The following DMRT1 variants were observed in gnomAD, a reference collection of about 807,000 sequenced individuals.
DMRT1 encodes the protein doublesex and mab-3 related transcription factor 1.
DMRT1 carries 7 observed loss-of-function variants against 32.3 expected under a neutral mutation model. The ratio of observed to expected loss-of-function variants is 0.22; its 90% CI spans 0.12 to 0.41. DMRT1 has a LOEUF of 0.41. Ranked by LOEUF, DMRT1 falls within the 10% of genes least tolerant of loss-of-function variation. DMRT1 has a pLI of 1.00. For missense variants in DMRT1, 625 were observed against 500.5 expected (o/e 1.25, Z -2.37); for synonymous variants, 278 against 206.1 (o/e 1.35, Z -2.99).
At chr9:937,607 G>A (rs528202722) in intron 4 of DMRT1, among the ~76,000 whole-genome samples, 7 of 152,260 alleles carry the variant, frequency 4.6e-5, no homozygotes, top group African/African-American at 7.2e-5. Flanking sequence ...ATGATGTTGA[G>A]CATTTTTTTC....
At chr9:874,980 T>G (rs1816434814) in intron 2 of DMRT1, among the ~76,000 whole-genome samples, 1 of 151,568 alleles carries the variant, frequency 6.6e-6, no homozygotes, top group African/African-American at 2.4e-5. Context: ...GCAAATTTTT[T>G]GTATTTTTTT....
At chr9:948,580 G>A (rs1282095893) in intron 4 of DMRT1, among the ~76,000 whole-genome samples, 1 of 151,426 alleles carries the variant, frequency 6.6e-6, no homozygotes, top group Non-Finnish European at 1.5e-5. Context: ...GCGCTCTGCT[G>A]TGTTGGGGCC....
At chr9:959,759 C>G (rs1021141200) in intron 4 of DMRT1, among the ~76,000 whole-genome samples, 1 of 152,062 alleles carries the variant, frequency 6.6e-6, no homozygotes, top group African/African-American at 2.4e-5. Flanking sequence ...AGCTCCTGAC[C>G]TCTGGTGATC....
At chr9:875,106 G>A (rs1006535254) in intron 2 of DMRT1, among the ~76,000 whole-genome samples, 8 of 152,016 alleles carry the variant, frequency 5.3e-5, no homozygotes, top group Admixed American at 2.0e-4. Context: ...CACCGCGCCC[G>A]GCCAACACTT....
At chr9:857,272 A>T (rs1815437648) in intron 2 of DMRT1, among the ~76,000 whole-genome samples, 2 of 152,132 alleles carry the variant, frequency 1.3e-5, no homozygotes, top group Admixed American at 6.6e-5. Context: ...GCTCCACTGC[A>T]CTCCAGCCTG....
chr9:858,466 C>G (rs906046194), intron 2 of DMRT1, among the ~76,000 whole-genome samples: 3 of 152,170 alleles, frequency 2.0e-5, no homozygotes, highest in Admixed American at 2.0e-4. Flanking sequence ...GATCACCCCT[C>G]AGGTACCTAC....
At chr9:863,866 G>A (rs1815839244) in intron 2 of DMRT1, among the ~76,000 whole-genome samples, 1 of 152,128 alleles carries the variant, frequency 6.6e-6, no homozygotes, top group Non-Finnish European at 1.5e-5. Flanking sequence ...AACCATCTAT[G>A]TCCTTTGCCC....
rs79321486 is a variant in DMRT1 at position 847,937 on chromosome 9, T to C, written c.538+794T>C. On this transcript the variant is annotated intron_variant, in intron 2 of 4. Transcript: ENST00000382276. ...AGCCATATACAGCTAAGGGCTATCA[T>C]ACTGGATAATGCATTGCTGTCTCTT... Among the ~76,000 whole-genome samples the C allele has an allele frequency of 8.9e-3, 1,361 of 152,352 alleles. 20 individuals are homozygous for C. Among genetic ancestry groups the C allele is most frequent in the African/African-American group, 0.031 (1,301 of 41,582 alleles).
At chr9:917,785 T>C (rs1818230716) in intron 4 of DMRT1, among the ~76,000 whole-genome samples, 1 of 152,232 alleles carries the variant, frequency 6.6e-6, no homozygotes, top group Non-Finnish European at 1.5e-5. Context: ...CCAGAAAGTC[T>C]AAAATAGCTG....
chr9:939,987 A>T (rs1819009649), intron 4 of DMRT1, among the ~76,000 whole-genome samples: 1 of 152,178 alleles, frequency 6.6e-6, no homozygotes, highest in South Asian at 2.1e-4. Context: ...CCATCAGTGA[A>T]ACGCAAATCA....
At chr9:919,140 G>A (rs1239929008) in intron 4 of DMRT1, among the ~76,000 whole-genome samples, 1 of 152,138 alleles carries the variant, frequency 6.6e-6, no homozygotes, top group Non-Finnish European at 1.5e-5. Context: ...GATCCGTCAA[G>A]TCTAAGTTCC....
At chr9:939,722 T>A (rs1331013943) in intron 4 of DMRT1, among the ~76,000 whole-genome samples, 1 of 152,208 alleles carries the variant, frequency 6.6e-6, no homozygotes, top group Non-Finnish European at 1.5e-5. Flanking sequence ...AGTCAAATAA[T>A]GTAGGAGTGT....
At chr9:955,580 C>A (rs1819574637) in intron 4 of DMRT1, among the ~76,000 whole-genome samples, 1 of 152,120 alleles carries the variant, frequency 6.6e-6, no homozygotes, top group East Asian at 1.9e-4. Flanking sequence ...ATAGTGCATG[C>A]CTGTAGTCTC....
chr9:963,660 A>C (rs1043023812), intron 4 of DMRT1, among the ~76,000 whole-genome samples: 5 of 152,224 alleles, frequency 3.3e-5, no homozygotes, highest in Non-Finnish European at 5.9e-5. Flanking sequence ...GAAAGTACAA[A>C]CTGAACCTGC....
intron 2 of DMRT1, among the ~76,000 whole-genome samples, chr9:859,905 C>T (rs1012216295): frequency 6.6e-6 from 1 of 152,206 alleles, no homozygotes; most frequent in African/African-American, 2.4e-5. Flanking sequence ...CATTGCCATT[C>T]AGCATATAGT....
intron 2 of DMRT1, among the ~76,000 whole-genome samples, chr9:875,675 C>T (rs574102128): frequency 1.1e-4 from 16 of 152,264 alleles, no homozygotes; most frequent in African/African-American, 3.9e-4. Context: ...GACATTTTAG[C>T]TAACAAGCCC....
Position 894,383 on chromosome 9 carries a change from T to C in DMRT1, c.822+188T>C, listed in dbSNP as rs116389700. ...ACACATGTAGGCACAATATGCAAAA[T>C]GTGTAAGGAATTTTTTACTCTGTCA... On this transcript the variant is annotated intron_variant, in intron 3 of 4. Coordinates refer to ENST00000382276, the MANE Select transcript of DMRT1 (RefSeq NM_021951.3). 2.1e-3 allele frequency: 1,348 copies of C among 654,610 alleles called. 20 individuals are homozygous for C. The African/African-American group carries it at 0.022, about 11-fold the overall frequency. The allele number at this position is 654,610 out of a possible 1,614,324, so 40.6% of individuals were successfully genotyped here.
chr9:957,644 C>G (rs1331120636), intron 4 of DMRT1, among the ~76,000 whole-genome samples: 1 of 152,178 alleles, frequency 6.6e-6, no homozygotes, highest in African/African-American at 2.4e-5. Context: ...AATGTTCAAT[C>G]TTGATTGTTT....
rs1483016977 is a variant in DMRT1, at chr9:965,411, G to A, written c.968-2574G>A. ...GTCATGCATTAAAAGTATGCTTGGA[G>A]CCCCGCTAGTCCATGCAGGTAATAT... On this transcript the variant is annotated intron_variant, in intron 4 of 4. Transcript: ENST00000382276. This position sits in a 1 kb window ranked among gnomAD's most constrained non-coding sequence, Gnocchi z 4.5. Among the ~76,000 whole-genome samples, 4 of 152,188 alleles carry A rather than the reference G, an allele frequency of 2.6e-5. No homozygotes were observed. Among genetic ancestry groups the A allele is most frequent in the Admixed American group, 2.6e-4 (4 of 15,276 alleles).
Sources: gnomAD v4.1 joint callset for allele counts (sites outside exome capture counted in the v4.1 genomes callset) on GRCh38, gnomAD v4.1.1 for gene constraint, Gnocchi (gnomAD v3.1) non-coding constraint, MANE v1.5 for transcripts, NCBI Gene and HGNC (gene_info 2026-07-23, HGNC 2026-07-21) for gene names.